Variants in ITPR1 observed in about 807,000 individuals in gnomAD.
ITPR1 encodes the protein inositol 1,4,5-trisphosphate receptor type 1.
ITPR1 carries 96 observed loss-of-function variants against 318.4 expected under a neutral mutation model. That is an observed-to-expected ratio of 0.30 (90% CI 0.26 to 0.36). The LOEUF (loss-of-function observed/expected upper bound fraction) is 0.36. ITPR1 is among the 10% of genes least tolerant of loss of function. The pLI is 1.00. For missense variants in ITPR1, 2,440 were observed against 3,460.2 expected (o/e 0.71, Z 7.40); for synonymous variants, 1,312 against 1,289.9 (o/e 1.02, Z -0.37).
chr3:4,804,678 ACAT>A (rs757464857), intron 54 of ITPR1, among the ~76,000 whole-genome samples: 33 of 152,318 alleles, frequency 2.2e-4, no homozygotes, highest in East Asian at 9.6e-4. Context: ...CCCTGAAACC[ACAT>A]CATCATGGAT....
At chr3:4,733,034 C>T (rs2043035007) in intron 42 of ITPR1, 54 bp from the exon 43 acceptor site, 10 of 1,569,262 alleles carry the variant, frequency 6.4e-6, no homozygotes, top group East Asian at 2.3e-5. Context: ...AATATTCGTC[C>T]CTCGGTGATG....
intron 52 of ITPR1, among the ~76,000 whole-genome samples, chr3:4,792,375 C>CTA (rs1275879849): frequency 6.6e-6 from 1 of 152,192 alleles, no homozygotes; most frequent in African/African-American, 2.4e-5. Flanking sequence ...CTTTTTATTG[C>CTA]TGTATAACAA....
chr3:4,538,457 A>G (rs190160256), intron 4 of ITPR1, among the ~76,000 whole-genome samples: 1 of 152,324 alleles, frequency 6.6e-6, no homozygotes, highest in East Asian at 1.9e-4. Context: ...GGGAATGTAA[A>G]TTAGTTCAAT....
chr3:4,610,974 C>CTT (rs1553644259), intron 4 of ITPR1, among the ~76,000 whole-genome samples: 1 of 83,292 alleles, frequency 1.2e-5, no homozygotes, highest in African/African-American at 5.5e-5. Context: ...CCCCCTTCCC[C>CTT]CTCCTTCTCC....
intron 53 of ITPR1, among the ~76,000 whole-genome samples, chr3:4,797,883 A>G (rs2047993974): frequency 6.6e-6 from 1 of 152,248 alleles, no homozygotes; most frequent in South Asian, 2.1e-4. Context: ...ATTTTAAAAT[A>G]TGTATAATCA....
intron 29 of ITPR1, 150 bp downstream of exon 29, chr3:4,684,496 A>G (rs1399164877): frequency 1.6e-6 from 1 of 630,454 alleles, no homozygotes; most frequent in East Asian, 2.8e-5. Flanking sequence ...GGTTAAGCTC[A>G]TGGGTTTTGG....
At chr3:4,619,625 C>T (rs1327725880) in intron 4 of ITPR1, among the ~76,000 whole-genome samples, 2 of 25,602 alleles carry the variant, frequency 7.8e-5, no homozygotes, top group Non-Finnish European at 1.3e-4. Flanking sequence ...CCCCTGCTCT[C>T]CTCTGCTCTC....
chr3:4,706,659 G>T (rs1348530095), intron 37 of ITPR1, among the ~76,000 whole-genome samples: 1 of 152,156 alleles, frequency 6.6e-6, no homozygotes, highest in Non-Finnish European at 1.5e-5. Context: ...TAGAGTAAGA[G>T]CATAAATGTT....
intron 37 of ITPR1, among the ~76,000 whole-genome samples, chr3:4,708,744 T>A (rs971724014): frequency 1.3e-5 from 2 of 152,208 alleles, no homozygotes; most frequent in African/African-American, 4.8e-5. Context: ...CGTAAAGGAT[T>A]TGCATTATCC....
chr3:4,628,210 GT>G lies in ITPR1; in HGVS notation c.279+334del, dbSNP rs538906414. Among the ~76,000 whole-genome samples the G allele has an allele frequency of 1.7e-3, 253 of 152,318 alleles. 1 individual carries two copies. The highest frequency in any genetic ancestry group is 5.9e-3 in the African/African-American group (245 of 41,572). The stretch of plus-strand genomic sequence containing the variant: ...CTCAGCAACTGGTGCTCTTGGGCAC[GT>G]TATGTGCTGTTTTCCACTTCTGTTA... On this transcript the variant is annotated intron_variant, in intron 5 of 61. Transcript: ENST00000649015.
rs568001496 is a variant in ITPR1, at chr3:4,661,783, A to G, written c.1252-299A>G. 4.6e-5 allele frequency among the ~76,000 whole-genome samples: 7 copies of G among 152,282 alleles called. No homozygotes were observed. The East Asian group carries it at 7.7e-4, about 17-fold the overall frequency. ...TTTTCCATATTTGCTTTTTCTCTGT[A>G]TATTTACAAACATCTTCTTTAGTTA... is the stretch of plus-strand genomic sequence containing the variant. On this transcript the variant is annotated intron_variant, in intron 14 of 61. Transcript: ENST00000649015.
chr3:4,645,421 T>C lies in ITPR1; in HGVS notation c.659T>C (p.Ile220Thr). 2 of 1,613,482 alleles carry C rather than the reference T, an allele frequency of 1.2e-6. No individual in the cohort carries two copies. The highest frequency in any genetic ancestry group is 1.7e-6 in the Non-Finnish European group (2 of 1,179,576). The stretch of plus-strand genomic sequence containing the variant: ...GTCAACTGCAATACAAGCTGGAAAA[T>C]AGTCCTTTTCATGAAATGGAGTGAT... Reference protein sequence around the residue: ...NSVNCNTSWKIVLFMKWSDNK... With the variant: ...NSVNCNTSWKTVLFMKWSDNK... Residue 220 changes from isoleucine to threonine, a missense_variant, in exon 9 of 62, where the codon ATA becomes ACA. Ile to Thr is a moderately conservative substitution (Grantham distance 89, BLOSUM62 -1). Transcript: ENST00000649015.
At chr3:4,673,621 T>C (rs931639885) in intron 21 of ITPR1, among the ~76,000 whole-genome samples, 5 of 152,176 alleles carry the variant, frequency 3.3e-5, no homozygotes, top group African/African-American at 4.8e-5. Flanking sequence ...CTCACTCTGT[T>C]GCCCAGGCTG....
intron 3 of ITPR1, among the ~76,000 whole-genome samples, chr3:4,519,288 A>T (rs1575391450): frequency 6.6e-6 from 1 of 151,846 alleles, no homozygotes; most frequent in African/African-American, 2.4e-5. Flanking sequence ...GTGCAGTGGC[A>T]CGATCTTGGC....
chr3:4,673,396 G>A lies in ITPR1; in HGVS notation c.2456+9G>A, dbSNP rs772415982. 3.8e-6 allele frequency: 6 copies of A among 1,593,884 alleles called. No individual in the cohort carries two copies. Among genetic ancestry groups the A allele is most frequent in the Non-Finnish European group, 3.4e-6 (4 of 1,166,576 alleles). On this transcript the variant is annotated intron_variant, in intron 21 of 61. Coordinates refer to ENST00000649015, the MANE Select transcript of ITPR1 (RefSeq NM_001378452.1). ...GAGATCGCCATTGACGAGTGAGCCTGGCACCTGAAAACCTCACTTTACATT... is the reference window on the plus strand; with the variant it reads ...GAGATCGCCATTGACGAGTGAGCCTAGCACCTGAAAACCTCACTTTACATT...
At chr3:4,776,486 G>A (rs2046494941) in intron 47 of ITPR1, among the ~76,000 whole-genome samples, 1 of 152,166 alleles carries the variant, frequency 6.6e-6, no homozygotes, top group East Asian at 1.9e-4. Flanking sequence ...GTGACTTGGG[G>A]AGCCAGGCCC....
chr3:4,650,479 T>C (rs1441863968), intron 10 of ITPR1, among the ~76,000 whole-genome samples: 1 of 152,196 alleles, frequency 6.6e-6, no homozygotes, highest in South Asian at 2.1e-4. Context: ...TTTGTGATTA[T>C]TCGATGGGTT....
Position 4,704,813 on chromosome 3 carries a change from C to T in ITPR1, c.4658-1354C>T, listed in dbSNP as rs1408375009. ...AGTCCCCTCTGTGCCTCTTGGGGGT[C>T]GCTTCCTCATGACTAATACCACACC... is the stretch of plus-strand genomic sequence containing the variant. On this transcript the variant is annotated intron_variant, in intron 36 of 61. Coordinates refer to ENST00000649015, the MANE Select transcript of ITPR1 (RefSeq NM_001378452.1). Among the ~76,000 whole-genome samples, 3 of 151,804 alleles carry T rather than the reference C, an allele frequency of 2.0e-5. No individual in the cohort carries two copies. In the South Asian group the frequency reaches 6.3e-4, roughly 32 times the overall value.
chr3:4,706,271 C>T lies in ITPR1; in HGVS notation c.4762C>T (p.Leu1588Phe). The T allele has an allele frequency of 2.5e-6, 4 of 1,614,040 alleles. No homozygotes were observed. The highest frequency in any genetic ancestry group is 3.4e-6 in the Non-Finnish European group (4 of 1,179,884). ...GCAGAAAACAGCCATGAACTGGCGG[C>T]TCTCAGCCCGCAATGCCGCACGCAG... ...IVQKTAMNWRLSARNAARRDS... is the reference protein window; with the variant it reads ...IVQKTAMNWRFSARNAARRDS... The change falls in exon 37 of 62, where the codon CTC (leucine) becomes TTC (phenylalanine). Residue 1588 changes from leucine to phenylalanine, a missense_variant. By Grantham distance (22) the Leu-to-Phe change is conservative. Coordinates refer to ENST00000649015, the MANE Select transcript of ITPR1 (RefSeq NM_001378452.1).
Sources: allele counts gnomAD v4.1 joint callset (sites outside exome capture counted in the v4.1 genomes callset), GRCh38; gene constraint gnomAD v4.1.1; transcripts MANE v1.5; gene names NCBI Gene and HGNC (gene_info 2026-07-23, HGNC 2026-07-21).